Variants in SMCO4 observed in about 807,000 individuals in gnomAD.
SMCO4 encodes single-pass membrane protein with coiled-coil domains 4, also known as single-pass membrane and coiled-coil domain-containing protein 4.
In SMCO4, 4 loss-of-function variants were observed where a neutral mutation model predicts 3.6. The ratio of observed to expected loss-of-function variants is 1.11; its 90% confidence interval spans 0.54 to 2.53. SMCO4 has a LOEUF of 2.53. Ranked by LOEUF, SMCO4 falls within the 30% of genes most tolerant of loss-of-function variation. The pLI is 0.02. For synonymous variants in SMCO4, 36 were observed against 35.3 expected (o/e 1.02, Z -0.07); for missense variants, 70 against 80.8 (o/e 0.87, Z 0.51).
At chr11:93,508,540 C>T (rs1948929418) in intron 1 of SMCO4, among the ~76,000 whole-genome samples, 1 of 151,958 alleles carries the variant, frequency 6.6e-6, no homozygotes, top group Non-Finnish European at 1.5e-5. Context: ...AGGGTCTTGC[C>T]AAATAGAACT....
chr11:93,487,347 C>T (rs1343863715), intron 2 of SMCO4, among the ~76,000 whole-genome samples: 2 of 152,164 alleles, frequency 1.3e-5, no homozygotes, highest in African/African-American at 4.8e-5. Context: ...CATGAACAAA[C>T]AATGACAGCC....
chr11:93,525,554 A>G (rs1343505435), intron 1 of SMCO4, among the ~76,000 whole-genome samples: 1 of 152,158 alleles, frequency 6.6e-6, no homozygotes, highest in Non-Finnish European at 1.5e-5. Flanking sequence ...AGGGTTTTGA[A>G]GCCCACCCAC....
At chr11:93,551,650 G>A in the SMCO4 span, among the ~76,000 whole-genome samples, 10 of 152,204 alleles carry the variant, frequency 6.6e-5, no homozygotes, top group African/African-American at 2.4e-4. Flanking sequence ...CACCTAAACT[G>A]TCAGTGCCTG....
chr11:93,508,468 T>C lies in SMCO4; in HGVS notation c.-153-9120A>G, dbSNP rs74714852. The stretch of plus-strand genomic sequence containing the variant: ...ACAACCTAAAAAATGAAATACAAAT[T>C]TCTATAAAAGAGCAGGAAGAGAAGA... On this transcript the variant is annotated intron_variant, in intron 1 of 2. Coordinates refer to ENST00000298966, the MANE Select transcript of SMCO4 (RefSeq NM_020179.3). Among the ~76,000 whole-genome samples, 1,317 of 152,238 alleles carry C rather than the reference T, an allele frequency of 8.7e-3. 14 individuals are homozygous for C. Among genetic ancestry groups the C allele is most frequent in the Non-Finnish European group, 0.012 (807 of 68,020 alleles).
chr11:93,534,213 TATACACACAC>T (rs1230209217), intron 1 of SMCO4, among the ~76,000 whole-genome samples: 2 of 25,922 alleles, frequency 7.7e-5, no homozygotes, highest in Non-Finnish European at 1.1e-4. Context: ...AAAATATATA[TATACACACAC>T]ACACACACAC....
At chr11:93,492,779 C>G (rs575324270) in intron 2 of SMCO4, among the ~76,000 whole-genome samples, 9 of 152,336 alleles carry the variant, frequency 5.9e-5, no homozygotes, top group African/African-American at 1.9e-4. Context: ...AGCAAGGGGA[C>G]TAGCCAAGGA....
intron 1 of SMCO4, chr11:93,535,468 G>T: frequency 7.2e-7 from 1 of 1,392,922 alleles, no homozygotes; most frequent in Non-Finnish European, 1.0e-6. Context: ...GAGTCGCCGC[G>T]ATGGTGTTGT....
chr11:93,493,692 C>T lies in SMCO4; in HGVS notation c.-81+5584G>A, dbSNP rs530423519. ...AAAACAGGGTACAGATAGGACCTGGCTTTCAACATCTCTGTGCTGAGCCCA... is the reference window on the plus strand; with the variant it reads ...AAAACAGGGTACAGATAGGACCTGGTTTTCAACATCTCTGTGCTGAGCCCA... On this transcript the variant is annotated intron_variant, in intron 2 of 2. Coordinates refer to ENST00000298966, the MANE Select transcript of SMCO4 (RefSeq NM_020179.3). Among the ~76,000 whole-genome samples the T allele has an allele frequency of 4.2e-4, 64 of 152,324 alleles. 1 individual carries two copies. The highest frequency in any genetic ancestry group is 1.5e-4 in the Non-Finnish European group (10 of 68,034).
chr11:93,521,475 C>A (rs117242579), intron 1 of SMCO4, among the ~76,000 whole-genome samples: 2,783 of 152,272 alleles, frequency 0.018, 40 homozygotes, highest in Middle Eastern at 0.041. Context: ...CCTCATCATA[C>A]CCTGCCTAAA....
In SMCO4 at chr11:93,499,361, T is replaced by C. The variant is rs1948811461; in HGVS notation, c.-153-13A>G. 1 of 152,116 alleles carries C rather than the reference T, an allele frequency of 6.6e-6. No individual in the cohort carries two copies. Among genetic ancestry groups the C allele is most frequent in the Admixed American group, 6.5e-5 (1 of 15,278 alleles). 9.4% of individuals were successfully genotyped at this position (152,116 alleles called of 1,614,324 possible). A position where few individuals can be genotyped will look rare whatever the true frequency, so the allele number is the denominator to read the frequency against. On this transcript the variant is annotated splice_polypyrimidine_tract_variant and intron_variant, in intron 1 of 2. Coordinates refer to ENST00000298966, the MANE Select transcript of SMCO4 (RefSeq NM_020179.3). ...ACTTGAGTTATTCCTGTTGAGAAAT[T>C]AGAAGAAAGGGTATAATAGCTGCTG...
At chr11:93,505,856 AATGATGATGATGATGATGATGATG>A (rs61060663) in intron 1 of SMCO4, among the ~76,000 whole-genome samples, 1 of 149,644 alleles carries the variant, frequency 6.7e-6, no homozygotes, top group Non-Finnish European at 1.5e-5. Flanking sequence ...AAGCCCTTGC[AATGATGATGATGATGATGATGATG>A]ATGATGATGA....
chr11:93,534,740 AG>A (rs1453759024), intron 1 of SMCO4, among the ~76,000 whole-genome samples: 3 of 152,160 alleles, frequency 2.0e-5, no homozygotes, highest in Non-Finnish European at 2.9e-5. Context: ...CCAGTAAGCC[AG>A]GGCTTTCCGA....
chr11:93,501,230 C>T (rs985958584), intron 1 of SMCO4, among the ~76,000 whole-genome samples: 1 of 152,172 alleles, frequency 6.6e-6, no homozygotes, highest in African/African-American at 2.4e-5. Context: ...GGAGTAAGTG[C>T]TCAGAAGCTT....
chr11:93,482,401 T>C (rs1418427353), intron 2 of SMCO4, among the ~76,000 whole-genome samples: 1 of 152,114 alleles, frequency 6.6e-6, no homozygotes, highest in African/African-American at 2.4e-5. Context: ...GGAAATAATA[T>C]CAAGGAGGCA....
chr11:93,533,632 G>T (rs1250644710), intron 1 of SMCO4, among the ~76,000 whole-genome samples: 2 of 152,080 alleles, frequency 1.3e-5, no homozygotes, highest in Admixed American at 6.6e-5. Flanking sequence ...AAAGAGAAAA[G>T]GCCTCTGCGT....
At chr11:93,538,159 C>T (rs918215782) in intron 1 of SMCO4, among the ~76,000 whole-genome samples, 1 of 152,246 alleles carries the variant, frequency 6.6e-6, no homozygotes. Flanking sequence ...AGCCAATCAT[C>T]TCCTTGGGCT....
chr11:93,552,634 G>A, the SMCO4 span, among the ~76,000 whole-genome samples: 2 of 151,432 alleles, frequency 1.3e-5, no homozygotes, highest in African/African-American at 2.4e-5. Flanking sequence ...AACAAGCCCG[G>A]CTAATTTTTG....
upstream of SMCO4, among the ~76,000 whole-genome samples, chr11:93,546,351 G>A (rs931555567): frequency 4.7e-4 from 72 of 152,162 alleles, no homozygotes; most frequent in African/African-American, 1.5e-3. Flanking sequence ...ATAACAATGG[G>A]CTGGCAAAAT....
In SMCO4 at chr11:93,534,365, T is replaced by TACACATAC. The variant is rs1344809846; in HGVS notation, c.-154+8910_-154+8911insGTATGTGT. Among the ~76,000 whole-genome samples the TACACATAC allele has an allele frequency of 6.6e-3, 636 of 95,790 alleles. 7 individuals are homozygous for TACACATAC. The highest frequency in any genetic ancestry group is 0.012 in the Non-Finnish European group (495 of 40,558). 62.8% of individuals were successfully genotyped at this position (95,790 alleles called of 152,430 possible). Reference sequence around the variant, plus strand: ...ACATATATATACACATACATATATATATATATATATAGAGAGAGAGAGAGA... The same window carrying TACACATAC: ...ACATATATATACACATACATATATATACACATACATATATATATAGAGAGAGAGAGAGA... On this transcript the variant is annotated intron_variant, in intron 1 of 2. Coordinates refer to ENST00000298966, the MANE Select transcript of SMCO4 (RefSeq NM_020179.3).
Sources: allele counts gnomAD v4.1 joint callset (sites outside exome capture counted in the v4.1 genomes callset), GRCh38; gene constraint gnomAD v4.1.1; transcripts MANE v1.5; gene names NCBI Gene and HGNC (gene_info 2026-07-23, HGNC 2026-07-21).